Variants in TENT2 observed in about 807,000 individuals in gnomAD.
The protein encoded by TENT2 is poly(A) RNA polymerase GLD2.
Under a neutral mutation model 72.2 loss-of-function variants are expected in TENT2, and 44 were observed. That is an observed-to-expected ratio of 0.61 (90% CI 0.48 to 0.78). The LOEUF is 0.78. Among genes scored for constraint, TENT2 ranks in the 30% least tolerant of loss-of-function variants. TENT2 has a pLI of 0.00. For synonymous variants in TENT2, 212 were observed against 192.5 expected (o/e 1.10, Z -0.84); for missense variants, 541 against 569.6 (o/e 0.95, Z 0.51).
At chr5:79,659,650 A>G (rs531628114) in intron 11 of TENT2, among the ~76,000 whole-genome samples, 1 of 142,354 alleles carries the variant, frequency 7.0e-6, no homozygotes, top group Admixed American at 7.4e-5. Context: ...TACATTTTAT[A>G]CACAATTTAA....
chr5:79,612,673 G>A lies in TENT2; in HGVS notation c.-440G>A, dbSNP rs544457834. 1 of 152,694 alleles carries A rather than the reference G, an allele frequency of 6.5e-6. No individual in the cohort carries two copies. The highest frequency in any genetic ancestry group is 1.5e-5 in the Non-Finnish European group (1 of 68,148). 9.5% of individuals were successfully genotyped at this position (152,694 alleles called of 1,614,324 possible). On this transcript the variant is annotated 5_prime_UTR_variant, in exon 1 of 15. Coordinates refer to ENST00000453514, the MANE Select transcript of TENT2 (RefSeq NM_001114394.3). Reference sequence around the variant, plus strand: ...GGGCCACCACTACCTCCTTTGGTTCGGGAGAAAGCTACGACCAAGTACGCC... The same window carrying A: ...GGGCCACCACTACCTCCTTTGGTTCAGGAGAAAGCTACGACCAAGTACGCC...
At chr5:79,671,636 T>TG (rs1326580276) in intron 12 of TENT2, among the ~76,000 whole-genome samples, 1 of 152,074 alleles carries the variant, frequency 6.6e-6, no homozygotes, top group East Asian at 1.9e-4. Flanking sequence ...CTTGAACTCC[T>TG]GACCTCAAAT....
intron 12 of TENT2, among the ~76,000 whole-genome samples, chr5:79,672,687 CTAT>C (rs769676895): frequency 5.3e-5 from 8 of 152,196 alleles, no homozygotes; most frequent in Non-Finnish European, 7.3e-5. Flanking sequence ...TAAGTACCAC[CTAT>C]TATTTATCCA....
intron 4 of TENT2, among the ~76,000 whole-genome samples, chr5:79,634,835 A>G (rs967210847): frequency 4.6e-5 from 7 of 151,746 alleles, no homozygotes; most frequent in Non-Finnish European, 7.4e-5. Flanking sequence ...TCCACTTTAT[A>G]TATATGTTGT....
At chr5:79,638,490 G>A (rs573148717) in intron 4 of TENT2, among the ~76,000 whole-genome samples, 1 of 152,232 alleles carries the variant, frequency 6.6e-6, no homozygotes, top group South Asian at 2.1e-4. Flanking sequence ...TTGTTTGGAG[G>A]TCTCTGATCT....
intron 12 of TENT2, among the ~76,000 whole-genome samples, chr5:79,669,369 A>G (rs1811078446): frequency 6.6e-6 from 1 of 152,218 alleles, no homozygotes; most frequent in African/African-American, 2.4e-5. Context: ...TACACTTAAA[A>G]TGTATAGTAA....
rs557614388 is a variant in TENT2 at position 79,615,927 on chromosome 5, C to T, written c.-38+2852C>T. Among the ~76,000 whole-genome samples the T allele has an allele frequency of 3.6e-3, 536 of 150,900 alleles. 2 individuals are homozygous for T. The highest frequency in any genetic ancestry group is 0.013 in the African/African-American group (515 of 41,178). ...TTTTTGAGACGAAGTCTCGTTTTTTCGCCCAGGCTGGAGTGCAGTGGTGCG... is the reference window on the plus strand; with the variant it reads ...TTTTTGAGACGAAGTCTCGTTTTTTTGCCCAGGCTGGAGTGCAGTGGTGCG... On this transcript the variant is annotated intron_variant, in intron 1 of 14. Transcript: ENST00000453514.
At chr5:79,682,188 GA>G in intron 14 of TENT2, 127 bp downstream of exon 14, 1 of 521,540 alleles carries the variant, frequency 1.9e-6, no homozygotes. Context: ...GCATGATAGA[GA>G]ACTTATTATT....
intron 4 of TENT2, among the ~76,000 whole-genome samples, chr5:79,629,687 C>T (rs1293861302): frequency 2.6e-5 from 4 of 151,742 alleles, no homozygotes; most frequent in South Asian, 4.2e-4. Flanking sequence ...ATTAGCCAGG[C>T]GTGGTGGCGG....
At chr5:79,678,407 G>C (rs1022945804) in intron 12 of TENT2, among the ~76,000 whole-genome samples, 2 of 151,928 alleles carry the variant, frequency 1.3e-5, no homozygotes, top group African/African-American at 2.4e-5. Flanking sequence ...TGCTTAAATG[G>C]TAGAGAAAGT....
At chr5:79,633,617 T>C (rs1360743679) in intron 4 of TENT2, among the ~76,000 whole-genome samples, 1 of 151,494 alleles carries the variant, frequency 6.6e-6, no homozygotes, top group Non-Finnish European at 1.5e-5. Context: ...GGTTTCTCCA[T>C]GTTGGTCAGG....
chr5:79,621,808 CAT>C (rs1373872170), intron 3 of TENT2, among the ~76,000 whole-genome samples: 3 of 149,570 alleles, frequency 2.0e-5, no homozygotes, highest in South Asian at 2.1e-4. Flanking sequence ...TGTAGTTAAA[CAT>C]ATTTTTAAAA....
intron 12 of TENT2, among the ~76,000 whole-genome samples, chr5:79,670,164 A>C (rs1811805067): frequency 1.3e-5 from 2 of 151,446 alleles, no homozygotes; most frequent in Non-Finnish European, 2.9e-5. Flanking sequence ...GGTTGCAGTA[A>C]GCTGAGATTG....
chr5:79,635,581 G>C (rs867496005), intron 4 of TENT2, among the ~76,000 whole-genome samples: 1 of 152,064 alleles, frequency 6.6e-6, no homozygotes. Context: ...TGGAGACAGA[G>C]TCTTGCTCTG....
At chr5:79,621,515 T>G (rs554380457) in intron 3 of TENT2, among the ~76,000 whole-genome samples, 6 of 152,066 alleles carry the variant, frequency 3.9e-5, no homozygotes, top group Non-Finnish European at 8.8e-5. Context: ...TCCCAGCACT[T>G]TGGGAGGCCG....
At chr5:79,624,723 A>G (rs557823688) in intron 4 of TENT2, among the ~76,000 whole-genome samples, 2 of 152,284 alleles carry the variant, frequency 1.3e-5, no homozygotes, top group African/African-American at 4.8e-5. Context: ...ACGTTGTAGC[A>G]TACACATCAG....
At chr5:79,659,361 C>T (rs1296818707) in intron 11 of TENT2, among the ~76,000 whole-genome samples, 2 of 150,320 alleles carry the variant, frequency 1.3e-5, no homozygotes, top group Admixed American at 6.6e-5. Context: ...AGTGAAACCC[C>T]GTCTCTACTA....
rs770382133 is a variant in TENT2, at chr5:79,679,576, T to C, written c.1209-3T>C. 3.2e-6 allele frequency: 5 copies of C among 1,580,584 alleles called. No homozygotes were observed. The Admixed American group carries it at 5.4e-5, about 17-fold the overall frequency. On this transcript the variant is annotated splice_polypyrimidine_tract_variant and splice_region_variant and intron_variant, in intron 12 of 14. Coordinates refer to ENST00000453514, the MANE Select transcript of TENT2 (RefSeq NM_001114394.3). ...AACATGGTTACTGTTTTTCTTCTTA[T>C]AGCTGGAATAGTCAAATGATTTCAG...
chr5:79,635,334 C>T (rs767492252), intron 4 of TENT2, among the ~76,000 whole-genome samples: 3 of 152,024 alleles, frequency 2.0e-5, no homozygotes, highest in Non-Finnish European at 2.9e-5. Context: ...TAGATAATGA[C>T]GAAAATTCTT....
Sources: allele counts gnomAD v4.1 joint callset (sites outside exome capture counted in the v4.1 genomes callset), GRCh38; gene constraint gnomAD v4.1.1; transcripts MANE v1.5; gene names NCBI Gene and HGNC (gene_info 2026-07-23, HGNC 2026-07-21).